SFSWAP: variants seen among roughly 807,000 people sequenced by gnomAD.
SFSWAP encodes the protein splicing factor, suppressor of white-apricot homolog.
SFSWAP carries 17 observed loss-of-function variants against 100.7 expected under a neutral mutation model. The ratio of observed to expected loss-of-function variants is 0.17; its 90% confidence interval spans 0.12 to 0.25. The LOEUF is 0.25. Among genes scored for constraint, SFSWAP ranks in the 10% least tolerant of loss-of-function variants. The pLI, the probability that SFSWAP is intolerant of heterozygous loss-of-function variation, is 1.00. For synonymous variants in SFSWAP, 504 were observed against 510.1 expected, an observed-to-expected ratio of 0.99 and a Z score of 0.16; for missense variants, 1,005 against 1,262.6, an observed-to-expected ratio of 0.80 and a Z score of 3.09.
At chr12:131,792,968 G>A (rs1380350121) in intron 15 of SFSWAP, among the ~76,000 whole-genome samples, 2 of 152,122 alleles carry the variant, frequency 1.3e-5, no homozygotes, top group Non-Finnish European at 2.9e-5. Context: ...TGTGGTGTCA[G>A]CATGAGGATA....
chr12:131,729,469 A>T (rs1054547855), intron 7 of SFSWAP, among the ~76,000 whole-genome samples: 1 of 152,188 alleles, frequency 6.6e-6, no homozygotes, highest in Middle Eastern at 3.2e-3. Context: ...GCACTGCCAC[A>T]CTCTAGCCTG....
intron 9 of SFSWAP, 118 bp from the exon 10 acceptor site, chr12:131,755,268 A>G: frequency 1.4e-6 from 1 of 722,774 alleles, no homozygotes; most frequent in Non-Finnish European, 2.3e-6. Context: ...GAGTAGCTAA[A>G]ACAGTAACCA....
intron 7 of SFSWAP, among the ~76,000 whole-genome samples, chr12:131,745,664 A>G (rs984088233): frequency 1.3e-5 from 2 of 152,118 alleles, no homozygotes; most frequent in African/African-American, 2.4e-5. Context: ...TAAGATTCTC[A>G]AATCAGGCAG....
chr12:131,725,347 A>C lies in SFSWAP; in HGVS notation c.607-58A>C. On this transcript the variant is annotated intron_variant, in intron 4 of 17. Transcript: ENST00000261674. The surrounding 1 kb of genome is among the most constrained non-coding windows in gnomAD (Gnocchi z 4.3). ...GTCATTTCTATGTTTTAATGAAATC[A>C]CGTGGCCGGTGGACAAGAGGACAAA... 7.3e-7 allele frequency: 1 copy of C among 1,364,336 alleles called. No individual in the cohort carries two copies. The highest frequency in any genetic ancestry group is 1.0e-6 in the Non-Finnish European group (1 of 953,278). 84.5% of individuals were successfully genotyped at this position (1,364,336 alleles called of 1,614,324 possible).
Position 131,714,008 on chromosome 12 carries a change from TCA to T in SFSWAP, c.219-57_219-56del. Reference sequence around the variant, plus strand: ...TATATATATATACATATATAAAACATCACACACGCACACCAGTCTAGACGTTA... The same window carrying T: ...TATATATATATACATATATAAAACATCACACGCACACCAGTCTAGACGTTA... On this transcript the variant is annotated intron_variant, in intron 1 of 17. Coordinates refer to ENST00000261674, the MANE Select transcript of SFSWAP (RefSeq NM_004592.4). This position sits in a 1 kb window ranked among gnomAD's most constrained non-coding sequence, Gnocchi z 6.0. 1.2e-5 allele frequency: 15 copies of T among 1,222,664 alleles called. No homozygotes were observed. Among genetic ancestry groups the T allele is most frequent in the Non-Finnish European group, 1.8e-5 (15 of 847,878 alleles). The allele number at this position is 1,222,664 out of a possible 1,614,324, so 75.7% of individuals were successfully genotyped here.
intron 9 of SFSWAP, among the ~76,000 whole-genome samples, 180 bp downstream of exon 9, chr12:131,754,679 G>T (rs1259500198): frequency 6.3e-5 from 8 of 127,732 alleles, no homozygotes; most frequent in Non-Finnish European, 1.3e-4. Context: ...TGTCACCCAG[G>T]CTGGAGTGCA....
chr12:131,719,613 CAAT>C (rs1241446398), intron 4 of SFSWAP, 74 bp downstream of exon 4: 2 of 1,200,600 alleles, frequency 1.7e-6, no homozygotes, highest in African/African-American at 3.0e-5. Flanking sequence ...TGGGAAAGCT[CAAT>C]AATGATTATA....
intron 7 of SFSWAP, among the ~76,000 whole-genome samples, chr12:131,737,139 C>T (rs1024492326): frequency 6.6e-6 from 1 of 152,206 alleles, no homozygotes. Flanking sequence ...GGCTGCAGAG[C>T]TCTGGGGGTG....
Position 131,714,699 on chromosome 12 carries a change from C to A in SFSWAP, c.389-123C>A. The A allele has an allele frequency of 1.2e-6, 1 of 832,384 alleles. No individual in the cohort carries two copies. The highest frequency in any genetic ancestry group is 1.9e-6 in the Non-Finnish European group (1 of 535,908). The allele number at this position is 832,384 out of a possible 1,614,324, so 51.6% of individuals were successfully genotyped here. ...AGTGTGAATTTTTAAAACTATTTTA[C>A]CTCAAAAGTAGGTTGAAAAAAGTAT... On this transcript the variant is annotated intron_variant, in intron 2 of 17. Transcript: ENST00000261674. This position sits in a 1 kb window ranked among gnomAD's most constrained non-coding sequence, Gnocchi z 6.0.
intron 14 of SFSWAP, among the ~76,000 whole-genome samples, chr12:131,779,739 A>G (rs1032199090): frequency 5.9e-5 from 9 of 152,194 alleles, no homozygotes; most frequent in African/African-American, 1.7e-4. Context: ...CTCTCTGAAT[A>G]TATCCTAAAA....
intron 13 of SFSWAP, among the ~76,000 whole-genome samples, chr12:131,775,734 G>A (rs1220150833): frequency 1.3e-5 from 2 of 152,128 alleles, no homozygotes; most frequent in Non-Finnish European, 1.5e-5. Flanking sequence ...CAGAGTGGGG[G>A]TGTTCTTGGA....
chr12:131,773,344 T>A (rs568217710), intron 13 of SFSWAP, among the ~76,000 whole-genome samples: 1 of 152,258 alleles, frequency 6.6e-6, no homozygotes, highest in South Asian at 2.1e-4. Context: ...CACAAATTTT[T>A]TTTCTTTTTC....
intron 15 of SFSWAP, among the ~76,000 whole-genome samples, chr12:131,793,765 G>A (rs1454900954): frequency 6.6e-6 from 1 of 152,116 alleles, no homozygotes; most frequent in African/African-American, 2.4e-5. Context: ...GAAGCCAGCC[G>A]ACTTGACAGA....
chr12:131,771,197 AC>A (rs1400988583), intron 13 of SFSWAP, among the ~76,000 whole-genome samples: 24 of 152,224 alleles, frequency 1.6e-4, no homozygotes, highest in African/African-American at 5.5e-4. Flanking sequence ...TTTTTCACTT[AC>A]AGTAGAGATC....
At chr12:131,766,478 G>A (rs1178824867) in intron 13 of SFSWAP, among the ~76,000 whole-genome samples, 170 bp downstream of exon 13, 1 of 152,186 alleles carries the variant, frequency 6.6e-6, no homozygotes, top group African/African-American at 2.4e-5. Context: ...GTGAATCTAA[G>A]AGTTTGCCAG....
intron 8 of SFSWAP, 23 bp downstream of exon 8, chr12:131,753,386 C>T (rs1315810797): frequency 6.3e-7 from 1 of 1,598,596 alleles, no homozygotes; most frequent in Non-Finnish European, 8.5e-7. Flanking sequence ...TCCACCGCTG[C>T]CTGCTGTGTG....
chr12:131,716,827 C>T (rs951500516), intron 3 of SFSWAP, among the ~76,000 whole-genome samples: 4 of 152,028 alleles, frequency 2.6e-5, no homozygotes, highest in Admixed American at 1.3e-4. Flanking sequence ...ATTGTCTCGG[C>T]GTAATTATTG....
At chr12:131,742,406 T>C (rs1035975628) in intron 7 of SFSWAP, among the ~76,000 whole-genome samples, 5 of 152,316 alleles carry the variant, frequency 3.3e-5, no homozygotes, top group African/African-American at 1.2e-4. Flanking sequence ...AAGTTATGTT[T>C]AGAGACAGGC....
At chr12:131,796,047 A>AGGGGGAGGGGAGGGGAGGGGAGAGGAGG (rs1885650054) in intron 15 of SFSWAP, 1 of 5,444 alleles carries the variant, frequency 1.8e-4, no homozygotes, top group African/African-American at 7.9e-4. Flanking sequence ...GGGAGCGGAG[A>AGGGGGAGGGGAGGGGAGGGGAGAGGAGG]GGGGGAGGGG....
Sources: allele counts gnomAD v4.1 joint callset (sites outside exome capture counted in the v4.1 genomes callset), GRCh38; gene constraint gnomAD v4.1.1; non-coding constraint Gnocchi (gnomAD v3.1); transcripts MANE v1.5; gene names NCBI Gene and HGNC (gene_info 2026-07-23, HGNC 2026-07-21).